MINAR1: variants seen among roughly 807,000 people sequenced by gnomAD.
MINAR1 encodes membrane integral NOTCH2 associated receptor 1.
A neutral mutation model predicts 65.1 loss-of-function variants in MINAR1; 40 were observed. The ratio of observed to expected loss-of-function variants is 0.61; its 90% confidence interval spans 0.48 to 0.80. MINAR1 has a LOEUF of 0.80. MINAR1 is among the 30% of genes least tolerant of loss of function. MINAR1 has a pLI of 0.00. For synonymous variants in MINAR1, 482 were observed against 449.1 expected (o/e 1.07, Z -0.93); for missense variants, 1,128 against 1,148.0 (o/e 0.98, Z 0.25).
Position 79,456,165 on chromosome 15 carries a change from A to G in MINAR1, c.18A>G (p.Glu6=), listed in dbSNP as rs28579626. ...AATAAATCATGGAGACCAGTCAGGA[A>G]ACTTCCCTCTTCTTGGTGAAGATCT... METSQ[E]TSLFLVKILE... is the part of the protein sequence containing the mutation. Residue 6 remains glutamate, a synonymous_variant, in exon 2 of 4, where the codon GAA becomes GAG. Coordinates refer to ENST00000305428, the MANE Select transcript of MINAR1 (RefSeq NM_015206.3). The G allele has an allele frequency of 1.3e-3, 2,116 of 1,613,414 alleles. 37 individuals carry two copies. In the African/African-American group the frequency reaches 0.025, roughly 19 times the overall value.
upstream of MINAR1, among the ~76,000 whole-genome samples, chr15:79,431,180 AGGAGGTGG>A (rs1894426951): frequency 7.4e-6 from 1 of 135,766 alleles, no homozygotes; most frequent in Admixed American, 7.2e-5. Flanking sequence ...GTGGCAGGGA[AGGAGGTGG>A]GGTGGTGGGG....
rs562090980 is a variant in MINAR1 at position 79,449,111 on chromosome 15, G to T, written c.-50-6987G>T. Among the ~76,000 whole-genome samples, 3 of 152,336 alleles carry T rather than the reference G, an allele frequency of 2.0e-5. No homozygotes were observed. The South Asian group carries it at 6.2e-4, about 32-fold the overall frequency. On this transcript the variant is annotated intron_variant, in intron 1 of 3. Coordinates refer to ENST00000305428, the MANE Select transcript of MINAR1 (RefSeq NM_015206.3). ...TTCCCAAACTACAGACTATTACCTA[G>T]TGGAAATACCTATGGGTTAGGAATT...
At position 79,452,552 on chromosome 15, in the gene MINAR1, G is replaced by A. The variant is rs369117986; in HGVS notation, c.-50-3546G>A. Among the ~76,000 whole-genome samples, 247 of 150,358 alleles carry A rather than the reference G, an allele frequency of 1.6e-3. 2 individuals carry two copies. Among genetic ancestry groups the A allele is most frequent in the African/African-American group, 5.8e-3 (239 of 41,094 alleles). ...TGGGTGAGTGTGTGGGTGTGTGTGG[G>A]TGAGTCTGTGTGTGTGAGTGTATGG... is the stretch of plus-strand genomic sequence containing the variant. On this transcript the variant is annotated intron_variant, in intron 1 of 3. Coordinates refer to ENST00000305428, the MANE Select transcript of MINAR1 (RefSeq NM_015206.3).
chr15:79,464,033 T>C (rs1224375176), intron 3 of MINAR1, among the ~76,000 whole-genome samples: 1 of 152,176 alleles, frequency 6.6e-6, no homozygotes, highest in Non-Finnish European at 1.5e-5. Flanking sequence ...GACCATGCAC[T>C]TGAAGCACAG....
At chr15:79,413,426 C>T in the MINAR1 span, 1 of 152,170 alleles carries the variant, frequency 6.6e-6, no homozygotes, top group African/African-American at 2.4e-5. Context: ...AGGGGTTGCT[C>T]CTCCATGGAA....
At chr15:79,466,030 G>A (rs1472672192) in intron 3 of MINAR1, among the ~76,000 whole-genome samples, 29 of 151,986 alleles carry the variant, frequency 1.9e-4, no homozygotes, top group Admixed American at 1.9e-3. Flanking sequence ...AGGCTTCTGG[G>A]GCTCTAGCAG....
chr15:79,414,855 G>C, the MINAR1 span: 5 of 152,214 alleles, frequency 3.3e-5, no homozygotes, highest in Admixed American at 2.0e-4. Context: ...AAGGCATAAT[G>C]CAGTGAGCAC....
Position 79,456,415 on chromosome 15 carries a change from A to T in MINAR1, c.268A>T (p.Ile90Leu). Reference sequence around the variant, plus strand: ...CATGGTGGCAGCAGATATTGTGACGATATTCAACCTGATCCAAATGAATGG... The same window carrying T: ...CATGGTGGCAGCAGATATTGTGACGTTATTCAACCTGATCCAAATGAATGG... ...KIMVAADIVT[I>L]FNLIQMNGGA... The change falls in exon 2 of 4, where the codon ATA (isoleucine) becomes TTA (leucine). Residue 90 changes from isoleucine to leucine, a missense_variant. By Grantham distance (5) the Ile-to-Leu change is conservative. Transcript: ENST00000305428. 1 of 1,614,220 alleles carries T rather than the reference A, an allele frequency of 6.2e-7. No homozygotes were observed. The highest frequency in any genetic ancestry group is 1.1e-5 in the South Asian group (1 of 91,078).
chr15:79,439,226 T>G (rs1595933110), intron 1 of MINAR1, among the ~76,000 whole-genome samples: 1 of 23,400 alleles, frequency 4.3e-5, no homozygotes. Context: ...GGGGTGTGGG[T>G]GTGTGTAGGT....
At chr15:79,433,308 A>G (rs1176515140) in intron 1 of MINAR1, among the ~76,000 whole-genome samples, 1 of 152,232 alleles carries the variant, frequency 6.6e-6, no homozygotes, top group Non-Finnish European at 1.5e-5. Flanking sequence ...CGCGCACTCC[A>G]GCATTGTTTT....
At chr15:79,423,756 A>G in the MINAR1 span, 1 of 152,252 alleles carries the variant, frequency 6.6e-6, no homozygotes, top group Non-Finnish European at 1.5e-5. Context: ...ACCTTAGGGA[A>G]ATAACTAAAC....
At position 79,456,332 on chromosome 15, in the gene MINAR1, C is replaced by T. The variant is rs764918359; in HGVS notation, c.185C>T (p.Ala62Val). Reference protein sequence around the residue: ...YTACLDPNFPATLFKDKMKCT... With the variant: ...YTACLDPNFPVTLFKDKMKCT... ...GCTTGTCTCGATCCCAATTTTCCAG[C>T]CACGCTATTCAAAGACAAGATGAAA... Residue 62 changes from alanine to valine, a missense_variant, in exon 2 of 4, where the codon GCC (alanine) becomes GTC (valine). Ala to Val is a moderately conservative substitution (Grantham distance 64). Coordinates refer to ENST00000305428, the MANE Select transcript of MINAR1 (RefSeq NM_015206.3). The T allele has an allele frequency of 6.2e-7, 1 of 1,614,198 alleles. No individual in the cohort carries two copies. The highest frequency in any genetic ancestry group is 8.5e-7 in the Non-Finnish European group (1 of 1,180,032).
rs182531889 is a variant in MINAR1 at position 79,469,192 on chromosome 15, G to C, written c.*808G>C. On this transcript the variant is annotated 3_prime_UTR_variant, in exon 4 of 4. Coordinates refer to ENST00000305428, the MANE Select transcript of MINAR1 (RefSeq NM_015206.3). Reference sequence around the variant, plus strand: ...CCACTCCAAAGGATCTCCTGTTCTTGCTTTGGTGTGTGGCTCCATTCCTTG... The same window carrying C: ...CCACTCCAAAGGATCTCCTGTTCTTCCTTTGGTGTGTGGCTCCATTCCTTG... 6.5e-6 allele frequency: 1 copy of C among 152,770 alleles called. No homozygotes were observed. The highest frequency in any genetic ancestry group is 1.9e-4 in the East Asian group (1 of 5,182). 9.5% of individuals were successfully genotyped at this position (152,770 alleles called of 1,614,324 possible). A position where few individuals can be genotyped will look rare whatever the true frequency, so the allele number is the denominator to read the frequency against.
the MINAR1 span, chr15:79,412,469 C>T: frequency 2.0e-5 from 3 of 152,430 alleles, no homozygotes; most frequent in Non-Finnish European, 4.4e-5. Context: ...GAACAGTGGA[C>T]TTACCACACC....
Position 79,456,442 on chromosome 15 carries a change from G to T in MINAR1, c.295G>T (p.Gly99Trp). ...TIFNLIQMNG[G>W]AAKEKLPTGR... ...ATTCAACCTGATCCAAATGAATGGCGGGGCTGCCAAGGAGAAGCTGCCCAC... is the reference window on the plus strand; with the variant it reads ...ATTCAACCTGATCCAAATGAATGGCTGGGCTGCCAAGGAGAAGCTGCCCAC... The change falls in exon 2 of 4, where the codon GGG (glycine) becomes TGG (tryptophan). Residue 99 changes from glycine (G) to tryptophan (W), a missense_variant. Gly to Trp is a radical substitution (Grantham distance 184). Coordinates refer to ENST00000305428, the MANE Select transcript of MINAR1 (RefSeq NM_015206.3). 1 of 1,614,172 alleles carries T rather than the reference G, an allele frequency of 6.2e-7. No homozygotes were observed. Among genetic ancestry groups the T allele is most frequent in the Non-Finnish European group, 8.5e-7 (1 of 1,180,034 alleles).
intron 1 of MINAR1, among the ~76,000 whole-genome samples, chr15:79,436,645 G>GTATC (rs1418400655): frequency 6.6e-6 from 1 of 152,200 alleles, no homozygotes; most frequent in Non-Finnish European, 1.5e-5. Context: ...ACATGCCAAT[G>GTATC]TATCCTTCAT....
intron 1 of MINAR1, among the ~76,000 whole-genome samples, chr15:79,433,395 C>T (rs548210997): frequency 1.3e-5 from 2 of 152,276 alleles, no homozygotes; most frequent in South Asian, 4.1e-4. Flanking sequence ...TGTTCAGGTG[C>T]GCTTAATTCA....
At chr15:79,423,439 C>A in the MINAR1 span, 1 of 152,182 alleles carries the variant, frequency 6.6e-6, no homozygotes, top group Non-Finnish European at 1.5e-5. Flanking sequence ...AGTGTTGTAA[C>A]ATTTTATACC....
At chr15:79,431,484 T>G (rs1894433719), upstream of MINAR1, among the ~76,000 whole-genome samples, 1 of 131,554 alleles carries the variant, frequency 7.6e-6, no homozygotes, top group African/African-American at 3.2e-5. Context: ...GGTTTGGGGG[T>G]GTGTGAATGA....
Sources: allele counts gnomAD v4.1 joint callset (sites outside exome capture counted in the v4.1 genomes callset), GRCh38; gene constraint gnomAD v4.1.1; transcripts MANE v1.5; gene names NCBI Gene and HGNC (gene_info 2026-07-23, HGNC 2026-07-21).